ROBO2: variants seen among roughly 807,000 people sequenced by gnomAD.
ROBO2 encodes roundabout homolog 2.
A neutral mutation model predicts 160.8 loss-of-function variants in ROBO2; 53 were observed. The ratio of observed to expected loss-of-function variants is 0.33; its 90% CI spans 0.26 to 0.41. The LOEUF (loss-of-function observed/expected upper bound fraction) is 0.41, where lower values mean the gene tolerates loss of function less well. ROBO2 is among the 10% of genes least tolerant of loss of function. The probability of loss-of-function intolerance (pLI) is 1.00; values close to 1 mark genes in which losing one functional copy is unlikely to be tolerated. For missense variants in ROBO2, 1,577 were observed against 1,722.4 expected (o/e 0.92, Z 1.49); for synonymous variants, 664 against 611.7 (o/e 1.09, Z -1.26).
chr3:76,334,539 T>C (rs1049277999), intron 2 of ROBO2, among the ~76,000 whole-genome samples: 2 of 152,166 alleles, frequency 1.3e-5, no homozygotes, highest in Admixed American at 1.3e-4. Flanking sequence ...TTTCTAGTGA[T>C]CTACAAGCAG....
chr3:76,003,681 G>A (rs2065947903), intron 2 of ROBO2, among the ~76,000 whole-genome samples: 2 of 152,194 alleles, frequency 1.3e-5, no homozygotes, highest in Non-Finnish European at 2.9e-5. Flanking sequence ...GCCCAAGGAT[G>A]CAGAGGGCTA....
intron 2 of ROBO2, among the ~76,000 whole-genome samples, chr3:76,744,785 A>G (rs1409152742): frequency 7.9e-5 from 12 of 152,168 alleles, no homozygotes; most frequent in Non-Finnish European, 1.8e-4. Context: ...ATTTAAATAA[A>G]TATTTTAAAA....
intron 2 of ROBO2, among the ~76,000 whole-genome samples, chr3:76,058,390 CAG>C (rs1402409974): frequency 6.6e-6 from 1 of 151,904 alleles, no homozygotes; most frequent in Non-Finnish European, 1.5e-5. Flanking sequence ...AAAAGGAAAA[CAG>C]ATACTATAGT....
At chr3:76,351,782 C>T (rs1176348756) in intron 2 of ROBO2, among the ~76,000 whole-genome samples, 1 of 151,826 alleles carries the variant, frequency 6.6e-6, no homozygotes, top group African/African-American at 2.4e-5. Flanking sequence ...TCCACATCTA[C>T]CTACTATTAA....
chr3:77,067,850 C>T (rs1450808905), intron 1 of ROBO2, among the ~76,000 whole-genome samples: 5 of 152,068 alleles, frequency 3.3e-5, no homozygotes, highest in Non-Finnish European at 7.4e-5. Context: ...CAGGTTATCC[C>T]AATTTTAAAG....
intron 2 of ROBO2, among the ~76,000 whole-genome samples, chr3:76,008,287 T>G (rs1488648192): frequency 6.6e-6 from 1 of 151,782 alleles, no homozygotes. Context: ...TAAATATATT[T>G]CTGGCTGTTA....
chr3:76,019,705 A>C (rs112464699), intron 2 of ROBO2, among the ~76,000 whole-genome samples: 3 of 138,962 alleles, frequency 2.2e-5, no homozygotes, highest in Non-Finnish European at 3.1e-5. Flanking sequence ...ATGGCCTCCC[A>C]ACATGGTTAG....
intron 2 of ROBO2, among the ~76,000 whole-genome samples, chr3:77,345,429 C>T (rs569952532): frequency 2.6e-5 from 4 of 152,162 alleles, no homozygotes; most frequent in Non-Finnish European, 5.9e-5. Context: ...GACATGAATA[C>T]CAGGAGATGG....
intron 2 of ROBO2, among the ~76,000 whole-genome samples, chr3:76,188,153 C>T (rs754603140): frequency 5.5e-4 from 84 of 151,804 alleles, no homozygotes; most frequent in Non-Finnish European, 5.3e-4. Flanking sequence ...CTCAGTGGGC[C>T]AGTTATAGAT....
At position 76,230,104 on chromosome 3, in the gene ROBO2, C is replaced by T. The variant is rs528788247; in HGVS notation, c.109+292502C>T. Among the ~76,000 whole-genome samples, 3 of 152,190 alleles carry T rather than the reference C, an allele frequency of 2.0e-5. No individual in the cohort carries two copies. In the South Asian group the frequency reaches 6.2e-4, roughly 32 times the overall value. ...AAAATGATGCCATCAGGTGTCAGCT[C>T]CTCCAGTCTCTCATTCTTTCCCTAA... On this transcript the variant is annotated intron_variant, in intron 2 of 26. Coordinates refer to the ROBO2 transcript ENST00000487694.
intron 6 of ROBO2, among the ~76,000 whole-genome samples, chr3:77,541,056 G>T (rs2092438910): frequency 6.6e-6 from 1 of 152,116 alleles, no homozygotes; most frequent in Non-Finnish European, 1.5e-5. Context: ...AATTCTACTT[G>T]AGTTTGTCAA....
intron 17 of ROBO2, among the ~76,000 whole-genome samples, chr3:77,591,423 G>A (rs371771853): frequency 1.6e-4 from 24 of 152,068 alleles, no homozygotes; most frequent in African/African-American, 5.6e-4. Flanking sequence ...CTCTACCCCA[G>A]TTGTAGCAGG....
chr3:77,456,344 C>T (rs533568802), intron 2 of ROBO2, among the ~76,000 whole-genome samples: 7 of 152,144 alleles, frequency 4.6e-5, no homozygotes, highest in Admixed American at 3.9e-4. Context: ...CAAAGCTTGG[C>T]CCTGCTTCAA....
chr3:76,622,231 GAAGGAAGAAAGAAAGAAAGAAAGA>G (rs1434869093), intron 2 of ROBO2, among the ~76,000 whole-genome samples: 90 of 36,298 alleles, frequency 2.5e-3, no homozygotes, highest in Middle Eastern at 0.013. Context: ...AGGAAGGAAG[GAAGGAAGAAAGAAAGAAAGAAAGA>G]AAGAAAGAAA....
At chr3:77,049,431 A>G (rs1328303036) in intron 1 of ROBO2, among the ~76,000 whole-genome samples, 3 of 152,186 alleles carry the variant, frequency 2.0e-5, no homozygotes, top group East Asian at 1.9e-4. Context: ...CATGTAGCAT[A>G]TCTGTGTTTT....
intron 2 of ROBO2, among the ~76,000 whole-genome samples, chr3:76,119,973 C>CCTCT: frequency 8.9e-6 from 1 of 111,988 alleles, no homozygotes; most frequent in East Asian, 2.8e-4. Context: ...TTCCTTCCTT[C>CCTCT]CTCTCTCTTT....
intron 1 of ROBO2, among the ~76,000 whole-genome samples, chr3:77,087,750 A>C (rs747401426): frequency 3.3e-5 from 5 of 151,980 alleles, no homozygotes; most frequent in Non-Finnish European, 7.4e-5. Context: ...GTGTGTGTAC[A>C]TATACATATG....
intron 2 of ROBO2, among the ~76,000 whole-genome samples, chr3:76,351,720 T>C: frequency 6.6e-6 from 1 of 152,116 alleles, no homozygotes; most frequent in Non-Finnish European, 1.5e-5. Flanking sequence ...CATGTAAATA[T>C]ATGAGTTTTT....
chr3:77,438,650 G>A (rs1390462042), intron 2 of ROBO2, among the ~76,000 whole-genome samples: 1 of 151,576 alleles, frequency 6.6e-6, no homozygotes, highest in Non-Finnish European at 1.5e-5. Flanking sequence ...TGTAAATCAA[G>A]CATATTATAT....
Sources: gnomAD v4.1 joint callset for allele counts (sites outside exome capture counted in the v4.1 genomes callset) on GRCh38, gnomAD v4.1.1 for gene constraint, MANE v1.5 for transcripts, NCBI Gene and HGNC (gene_info 2026-07-23, HGNC 2026-07-21) for gene names.